The following GPR19 variants were observed in gnomAD, a reference collection of about 807,000 sequenced individuals.
GPR19 encodes probable G protein-coupled receptor 19.
A neutral mutation model predicts 28.5 loss-of-function variants in GPR19; 14 were observed. That is an observed-to-expected ratio of 0.49 (90% CI 0.32 to 0.77). The LOEUF (loss-of-function observed/expected upper bound fraction) is 0.77, where lower values mean the gene tolerates loss of function less well. Among genes scored for constraint, GPR19 ranks in the 30% least tolerant of loss-of-function variants. The pLI, the probability that GPR19 is intolerant of heterozygous loss-of-function variation, is 0.03. For missense variants in GPR19, 409 were observed against 504.1 expected (o/e 0.81, Z 1.81); for synonymous variants, 173 against 184.1 (o/e 0.94, Z 0.49).
intron 3 of GPR19, 34 bp downstream of exon 3, chr12:12,684,317 T>G (rs1257403891): frequency 6.6e-6 from 1 of 152,212 alleles, no homozygotes; most frequent in Non-Finnish European, 1.5e-5. Flanking sequence ...GAGCCAAATT[T>G]CAGTCGCAAT....
rs1945677170 is a variant in GPR19, at chr12:12,661,738, G to A, written c.711C>T (p.Val237=). 1 of 1,613,858 alleles carries A rather than the reference G, an allele frequency of 6.2e-7. No individual in the cohort carries two copies. The highest frequency in any genetic ancestry group is 8.5e-7 in the Non-Finnish European group (1 of 1,179,960). ...HFLVGFVIPS[V]LIILFYQKVI... ...CCTTTTGGTAAAATAAAATTATGAGGACAGATGGAATCACAAAGCCCACCA... is the reference window on the plus strand; with the variant it reads ...CCTTTTGGTAAAATAAAATTATGAGAACAGATGGAATCACAAAGCCCACCA... The change falls in exon 4 of 4, where the codon GTC becomes GTT. Residue 237 remains valine, a synonymous_variant. Transcript: ENST00000651487. This position sits in a 1 kb window ranked among gnomAD's most constrained non-coding sequence, Gnocchi z 4.2.
chr12:12,702,075 ATAT>A, the GPR19 span, among the ~76,000 whole-genome samples: 293 of 152,150 alleles, frequency 1.9e-3, 5 homozygotes, highest in East Asian at 0.014. Flanking sequence ...ATGTAGAATA[ATAT>A]TTTTAATTTG....
the GPR19 span, among the ~76,000 whole-genome samples, chr12:12,714,397 C>T: frequency 6.6e-6 from 1 of 152,180 alleles, no homozygotes; most frequent in Non-Finnish European, 1.5e-5. Context: ...GAGCTGGCGA[C>T]GCTGGCGGCT....
At chr12:12,666,084 G>A (rs1592253374) in intron 3 of GPR19, among the ~76,000 whole-genome samples, 2 of 152,230 alleles carry the variant, frequency 1.3e-5, no homozygotes, top group Admixed American at 1.3e-4. Flanking sequence ...AAACATTCCA[G>A]GGGAGAGAGA....
Position 12,661,112 on chromosome 12 carries a change from G to C in GPR19, c.*89C>G. The C allele has an allele frequency of 1.1e-6, 1 of 890,864 alleles. No homozygotes were observed. The highest frequency in any genetic ancestry group is 1.7e-6 in the Non-Finnish European group (1 of 600,882). The allele number at this position is 890,864 out of a possible 1,614,324, so 55.2% of individuals were successfully genotyped here. On this transcript the variant is annotated 3_prime_UTR_variant, in exon 4 of 4. Coordinates refer to ENST00000651487, the MANE Select transcript of GPR19 (RefSeq NM_006143.3). This position sits in a 1 kb window ranked among gnomAD's most constrained non-coding sequence, Gnocchi z 4.2. ...CAAAATAAAACATTTCCCTTGGAAA[G>C]TTGAGTGAAAACAAATATGTAAATA... is the stretch of plus-strand genomic sequence containing the variant.
rs115836857 is a variant in GPR19, at chr12:12,661,947, C to T, written c.502G>A (p.Val168Ile). ...SICIDRFYTIVYPLSFKVSRE... is the reference protein window; with the variant it reads ...SICIDRFYTIIYPLSFKVSRE... The stretch of plus-strand genomic sequence containing the variant: ...GACACCTTGAAGCTCAGAGGATAGA[C>T]GATGGTGTAGAACCGGTCTATGCAG... Residue 168 changes from valine (V) to isoleucine (I), a missense_variant, in exon 4 of 4, where the codon GTC becomes ATC. Physicochemically the swap from Val to Ile is conservative, Grantham distance 29 (BLOSUM62 3). Coordinates refer to ENST00000651487, the MANE Select transcript of GPR19 (RefSeq NM_006143.3). The surrounding 1 kb of genome is among the most constrained non-coding windows in gnomAD (Gnocchi z 4.2). The T allele has an allele frequency of 6.8e-4, 1,105 of 1,614,204 alleles. 11 individuals are homozygous for T. The African/African-American group carries it at 0.013, about 19-fold the overall frequency.
At chr12:12,676,438 T>A (rs554474770) in intron 3 of GPR19, among the ~76,000 whole-genome samples, 8 of 151,954 alleles carry the variant, frequency 5.3e-5, no homozygotes, top group Non-Finnish European at 1.2e-4. Flanking sequence ...ATCCTGAGAG[T>A]GCATTTTGAT....
At chr12:12,716,613 G>GTT in the GPR19 span, 7,122 of 223,416 alleles carry the variant, frequency 0.032, 2 homozygotes, top group Middle Eastern at 0.058. Flanking sequence ...AGAGTTTTTT[G>GTT]TTTTTTTTTT....
At chr12:12,701,310 G>A in the GPR19 span, among the ~76,000 whole-genome samples, 1 of 152,038 alleles carries the variant, frequency 6.6e-6, no homozygotes, top group Non-Finnish European at 1.5e-5. Flanking sequence ...GTCCCTGCTT[G>A]CCCCAAAATG....
intron 2 of GPR19, among the ~76,000 whole-genome samples, chr12:12,686,353 G>T (rs929136439): frequency 1.3e-5 from 2 of 152,176 alleles, no homozygotes; most frequent in African/African-American, 2.4e-5. Flanking sequence ...AAGACTCAGA[G>T]AAATTCAACT....
intron 2 of GPR19, among the ~76,000 whole-genome samples, chr12:12,694,137 T>A (rs965031348): frequency 6.6e-6 from 1 of 151,606 alleles, no homozygotes; most frequent in African/African-American, 2.4e-5. Flanking sequence ...CATTAGGATT[T>A]TTTTAAGCTC....
At chr12:12,677,090 CCTT>C (rs1945942845) in intron 3 of GPR19, among the ~76,000 whole-genome samples, 1 of 152,184 alleles carries the variant, frequency 6.6e-6, no homozygotes. Flanking sequence ...GGAGCATTCA[CCTT>C]CTGTCTCACA....
the GPR19 span, chr12:12,717,227 G>C: frequency 1.9e-6 from 2 of 1,049,012 alleles, no homozygotes; most frequent in Non-Finnish European, 2.3e-6. Flanking sequence ...GAGGCGGCGC[G>C]CTCGGGAACG....
chr12:12,705,330 T>A, the GPR19 span, among the ~76,000 whole-genome samples: 1 of 151,810 alleles, frequency 6.6e-6, no homozygotes, highest in Non-Finnish European at 1.5e-5. Flanking sequence ...AAAAAAAAAA[T>A]TGCTGAGAAT....
the GPR19 span, among the ~76,000 whole-genome samples, chr12:12,705,602 C>G: frequency 6.6e-6 from 1 of 151,710 alleles, no homozygotes; most frequent in Non-Finnish European, 1.5e-5. Context: ...CTGAAAAGTG[C>G]AGTGGCATGT....
intron 2 of GPR19, among the ~76,000 whole-genome samples, chr12:12,692,345 A>G (rs1592269641): frequency 6.6e-6 from 1 of 151,844 alleles, no homozygotes; most frequent in African/African-American, 2.4e-5. Flanking sequence ...TTGAGTGGTC[A>G]TCTTGGTCAG....
chr12:12,682,053 C>G (rs1946030697), intron 3 of GPR19, among the ~76,000 whole-genome samples: 1 of 152,106 alleles, frequency 6.6e-6, no homozygotes, highest in African/African-American at 2.4e-5. Context: ...GAGAGAATTG[C>G]CTGAGGCAGG....
chr12:12,700,106 C>A (rs775451901), upstream of GPR19, among the ~76,000 whole-genome samples: 7 of 151,946 alleles, frequency 4.6e-5, no homozygotes, highest in Non-Finnish European at 8.8e-5. Context: ...AGCCACTGCA[C>A]CTGGCCAAAA....
rs534102707 is a variant in GPR19, at chr12:12,676,244, A to G, written c.-23+8107T>C. Among the ~76,000 whole-genome samples, 210 of 152,352 alleles carry G rather than the reference A, an allele frequency of 1.4e-3. 1 individual carries two copies. The highest frequency in any genetic ancestry group is 2.8e-3 in the Non-Finnish European group (188 of 68,030). ...CCCCGGTCTTATTTTTTATTTCAGC[A>G]TAAGGACCTTAAGTAAATCAACCTC... On this transcript the variant is annotated intron_variant, in intron 3 of 3. Transcript: ENST00000651487.
Sources: gnomAD v4.1 joint callset for allele counts (sites outside exome capture counted in the v4.1 genomes callset) on GRCh38, gnomAD v4.1.1 for gene constraint, Gnocchi (gnomAD v3.1) non-coding constraint, MANE v1.5 for transcripts, NCBI Gene and HGNC (gene_info 2026-07-23, HGNC 2026-07-21) for gene names.